The following CACNA2D2 variants were observed in gnomAD, a reference collection of about 807,000 sequenced individuals.
CACNA2D2 encodes calcium voltage-gated channel auxiliary subunit alpha2delta 2.
Under a neutral mutation model 166.4 loss-of-function variants are expected in CACNA2D2, and 48 were observed. The ratio of observed to expected loss-of-function variants is 0.29; its 90% CI spans 0.23 to 0.37. CACNA2D2 has a LOEUF of 0.37. Ranked by LOEUF, CACNA2D2 falls within the 10% of genes least tolerant of loss-of-function variation. CACNA2D2 has a pLI of 1.00. For synonymous variants in CACNA2D2, 561 were observed against 573.7 expected (o/e 0.98, Z 0.32); for missense variants, 1,122 against 1,433.0 (o/e 0.78, Z 3.50).
rs1403770208 is a variant in CACNA2D2 at position 50,375,709 on chromosome 3, G to C, written c.1846-4C>G. The C allele has an allele frequency of 6.2e-6, 10 of 1,613,184 alleles. No homozygotes were observed. The African/African-American group carries it at 1.3e-4, about 22-fold the overall frequency. On this transcript the variant is annotated splice_polypyrimidine_tract_variant and splice_region_variant and intron_variant, in intron 20 of 37. Coordinates refer to ENST00000424201, the MANE Select transcript of CACNA2D2 (RefSeq NM_006030.4). The surrounding 1 kb of genome is among the most constrained non-coding windows in gnomAD (Gnocchi z 4.0). Reference sequence around the variant, plus strand: ...GTGTCACCTCATCTATGTACCTCTGGGAGAGGAGGCTGGGTCAGGTACTTG... The same window carrying C: ...GTGTCACCTCATCTATGTACCTCTGCGAGAGGAGGCTGGGTCAGGTACTTG...
intron 1 of CACNA2D2, among the ~76,000 whole-genome samples, chr3:50,494,236 A>G (rs909932446): frequency 1.3e-5 from 2 of 152,150 alleles, no homozygotes; most frequent in Admixed American, 6.5e-5. Context: ...CTCTTTTCTC[A>G]TAACTGAAGT....
intron 23 of CACNA2D2, among the ~76,000 whole-genome samples, chr3:50,370,090 C>A (rs769167383): frequency 1.3e-5 from 2 of 152,214 alleles, no homozygotes; most frequent in Non-Finnish European, 2.9e-5. Flanking sequence ...CTGGAGCCCT[C>A]CTGCCCCGGC....
intron 2 of CACNA2D2, among the ~76,000 whole-genome samples, chr3:50,448,123 C>T (rs770452757): frequency 6.6e-6 from 1 of 152,146 alleles, no homozygotes; most frequent in African/African-American, 2.4e-5. Context: ...GCTGAAGCTC[C>T]TAGGTGGCAA....
chr3:50,480,729 G>C (rs1264497478), intron 1 of CACNA2D2, among the ~76,000 whole-genome samples: 1 of 142,606 alleles, frequency 7.0e-6, no homozygotes, highest in East Asian at 2.1e-4. Flanking sequence ...CCAGCTAGAA[G>C]GCTGGGGGAG....
chr3:50,434,894 C>T (rs902377240), intron 2 of CACNA2D2, among the ~76,000 whole-genome samples: 4 of 152,382 alleles, frequency 2.6e-5, no homozygotes, highest in African/African-American at 9.6e-5. Context: ...GGCACACACA[C>T]AGCCATGCCT....
At chr3:50,498,589 C>T (rs555020902) in intron 1 of CACNA2D2, among the ~76,000 whole-genome samples, 1 of 152,176 alleles carries the variant, frequency 6.6e-6, no homozygotes, top group Non-Finnish European at 1.5e-5. Context: ...TCCATGATGG[C>T]CTGTGTATAC....
At chr3:50,386,383 G>C (rs976573618) in intron 5 of CACNA2D2, among the ~76,000 whole-genome samples, 1 of 152,206 alleles carries the variant, frequency 6.6e-6, no homozygotes, top group African/African-American at 2.4e-5. Context: ...GCAGTCTCCT[G>C]GTTTATATTT....
intron 6 of CACNA2D2, among the ~76,000 whole-genome samples, 175 bp downstream of exon 6, chr3:50,384,021 T>C (rs184532935): frequency 2.0e-5 from 3 of 152,328 alleles, no homozygotes; most frequent in Middle Eastern, 3.4e-3. Context: ...TGCCTGTAAG[T>C]GCTTGATGCC....
chr3:50,483,068 AGCATGCTTGC>A (rs1293524934), intron 1 of CACNA2D2, among the ~76,000 whole-genome samples: 3 of 152,216 alleles, frequency 2.0e-5, no homozygotes, highest in Admixed American at 2.0e-4. Flanking sequence ...GTGAGAGGGA[AGCATGCTTGC>A]TCAGCTGATT....
intron 3 of CACNA2D2, among the ~76,000 whole-genome samples, chr3:50,396,719 G>A (rs1183578269): frequency 1.5e-5 from 2 of 129,098 alleles, no homozygotes; most frequent in South Asian, 2.1e-4. Context: ...AAAGCCTGAC[G>A]AGGCAGTGTG....
At chr3:50,470,987 GAAT>G (rs1328148458) in intron 2 of CACNA2D2, among the ~76,000 whole-genome samples, 2 of 152,120 alleles carry the variant, frequency 1.3e-5, no homozygotes, top group African/African-American at 4.8e-5. Context: ...TTCCATTAAA[GAAT>G]AATATATGTG....
intron 1 of CACNA2D2, among the ~76,000 whole-genome samples, chr3:50,479,537 G>A (rs1453020921): frequency 6.6e-6 from 1 of 152,232 alleles, no homozygotes; most frequent in African/African-American, 2.4e-5. Context: ...GTGTCCCAGT[G>A]CCACCTCCAA....
At chr3:50,386,461 TA>T (rs1187715639) in intron 5 of CACNA2D2, among the ~76,000 whole-genome samples, 6 of 152,252 alleles carry the variant, frequency 3.9e-5, no homozygotes, top group Non-Finnish European at 2.9e-5. Flanking sequence ...AGGGTCTAAT[TA>T]AAGGTTCGCT....
At position 50,365,582 on chromosome 3, in the gene CACNA2D2, G is replaced by A. The variant is rs768571672; in HGVS notation, c.2971+51C>T. On this transcript the variant is annotated intron_variant, in intron 34 of 37. Coordinates refer to ENST00000424201, the MANE Select transcript of CACNA2D2 (RefSeq NM_006030.4). The surrounding 1 kb of genome is among the most constrained non-coding windows in gnomAD (Gnocchi z 4.5). ...CCACCCTCCCCATGGAGTCGTCTTAGCTCAGATTGGGGACCCGGACTTGAG... is the reference window on the plus strand; with the variant it reads ...CCACCCTCCCCATGGAGTCGTCTTAACTCAGATTGGGGACCCGGACTTGAG... 1 of 1,576,728 alleles carries A rather than the reference G, an allele frequency of 6.3e-7. No homozygotes were observed. The highest frequency in any genetic ancestry group is 8.6e-7 in the Non-Finnish European group (1 of 1,160,780).
At chr3:50,488,347 G>A (rs1303542916) in intron 1 of CACNA2D2, among the ~76,000 whole-genome samples, 1 of 152,166 alleles carries the variant, frequency 6.6e-6, no homozygotes, top group Non-Finnish European at 1.5e-5. Context: ...TTAAGTGGGA[G>A]CTCAGTCTCT....
intron 3 of CACNA2D2, among the ~76,000 whole-genome samples, chr3:50,425,423 C>T (rs1038108731): frequency 3.9e-5 from 6 of 152,214 alleles, no homozygotes; most frequent in African/African-American, 1.4e-4. Context: ...CTTAGACTTG[C>T]CTGTCCCATG....
intron 3 of CACNA2D2, among the ~76,000 whole-genome samples, chr3:50,405,083 T>G (rs1405920892): frequency 6.6e-6 from 1 of 152,138 alleles, no homozygotes; most frequent in Non-Finnish European, 1.5e-5. Flanking sequence ...CTCAGCTCTA[T>G]TAACATTAGG....
intron 2 of CACNA2D2, among the ~76,000 whole-genome samples, chr3:50,446,072 G>A (rs531855564): frequency 2.0e-5 from 3 of 152,320 alleles, no homozygotes; most frequent in South Asian, 4.2e-4. Flanking sequence ...CTGATGGCCC[G>A]GCCACACTGG....
Position 50,427,284 on chromosome 3 carries a change from C to G in CACNA2D2, c.405+7029G>C, listed in dbSNP as rs750702025. Among the ~76,000 whole-genome samples, 21 of 152,200 alleles carry G rather than the reference C, an allele frequency of 1.4e-4. No individual in the cohort carries two copies. The highest frequency in any genetic ancestry group is 2.6e-4 in the Non-Finnish European group (18 of 68,026). ...GCTGCCTCCCTCTGTAGGCGGAGGG[C>G]CCCAAGGGTGCCCACACAATGGGTG... On this transcript the variant is annotated intron_variant, in intron 3 of 37. Transcript: ENST00000424201. This position sits in a 1 kb window ranked among gnomAD's most constrained non-coding sequence, Gnocchi z 4.7.
Sources: allele counts gnomAD v4.1 joint callset (sites outside exome capture counted in the v4.1 genomes callset), GRCh38; gene constraint gnomAD v4.1.1; non-coding constraint Gnocchi (gnomAD v3.1); transcripts MANE v1.5; gene names NCBI Gene and HGNC (gene_info 2026-07-23, HGNC 2026-07-21).